ARID1A: variants seen among roughly 807,000 people sequenced by gnomAD.
ARID1A encodes AT-rich interactive domain-containing protein 1A.
Under a neutral mutation model 212.6 loss-of-function variants are expected in ARID1A, and 20 were observed. The observed-to-expected ratio is 0.09, with a 90% CI of 0.07 to 0.14. The LOEUF is 0.14. ARID1A is among the 10% of genes least tolerant of loss of function. The probability of loss-of-function intolerance (pLI) is 1.00; values close to 1 mark genes in which losing one functional copy is unlikely to be tolerated. For missense variants in ARID1A, 2,587 were observed against 3,059.0 expected (o/e 0.85, Z 3.64); for synonymous variants, 1,376 against 1,222.1 (o/e 1.13, Z -2.63).
chr1:26,710,490 T>TACACACACACACACACACACACACAC (rs1291075615), intron 1 of ARID1A, among the ~76,000 whole-genome samples: 2 of 9,676 alleles, frequency 2.1e-4, no homozygotes, highest in African/African-American at 5.9e-4. Flanking sequence ...AATAAAATAA[T>TACACACACACACACACACACACACAC]ACATACACAC....
In ARID1A at chr1:26,781,590, A is replaced by G. The variant is rs985022973; in HGVS notation, c.*834A>G. 2.1e-5 allele frequency: 5 copies of G among 233,620 alleles called. No homozygotes were observed. The highest frequency in any genetic ancestry group is 4.2e-5 in the Non-Finnish European group (5 of 118,056). 14.5% of individuals were successfully genotyped at this position (233,620 alleles called of 1,614,324 possible). A position where few individuals can be genotyped will look rare whatever the true frequency, so the allele number is the denominator to read the frequency against. On this transcript the variant is annotated 3_prime_UTR_variant, in exon 20 of 20. Transcript: ENST00000324856. ...AGAACTGGTTTTAACCTTTAGCTGC[A>G]GCGGCTACGCTGCCACGTGTGTATA...
chr1:26,771,184 T>C lies in ARID1A; in HGVS notation c.3264T>C (p.Ala1088=), dbSNP rs2124097272. 6.2e-7 allele frequency: 1 copy of C among 1,614,202 alleles called. No individual in the cohort carries two copies. Among genetic ancestry groups the C allele is most frequent in the Non-Finnish European group, 8.5e-7 (1 of 1,180,036 alleles). The part of the protein sequence containing the change: ...TNLNVGTSSS[A]ASSLKKQYIQ... ...TCAATGTGGGCACATCAAGCAGTGC[T>C]GCCAGCTCCTTGAAAAAGCAGTATA... The change falls in exon 12 of 20, where the codon GCT becomes GCC. Residue 1088 remains alanine, a synonymous_variant. Transcript: ENST00000324856. This position sits in a 1 kb window ranked among gnomAD's most constrained non-coding sequence, Gnocchi z 5.4.
At chr1:26,730,717 C>T (rs997356622) in intron 2 of ARID1A, among the ~76,000 whole-genome samples, 2 of 152,066 alleles carry the variant, frequency 1.3e-5, no homozygotes, top group East Asian at 3.8e-4. Flanking sequence ...ACCAAAGTAG[C>T]TTAGTGATTT....
intron 4 of ARID1A, among the ~76,000 whole-genome samples, chr1:26,754,350 C>T (rs903292122): frequency 6.6e-6 from 1 of 152,206 alleles, no homozygotes; most frequent in Non-Finnish European, 1.5e-5. Context: ...CCTTACCACT[C>T]CCTCCCATTT....
chr1:26,704,972 T>G (rs1325381188), intron 1 of ARID1A, among the ~76,000 whole-genome samples: 2 of 152,146 alleles, frequency 1.3e-5, no homozygotes, highest in African/African-American at 4.8e-5. Flanking sequence ...TGATTTTGGT[T>G]TCTTTACCTG....
chr1:26,709,835 CTT>C (rs11303126), intron 1 of ARID1A, among the ~76,000 whole-genome samples: 40 of 138,718 alleles, frequency 2.9e-4, no homozygotes, highest in Admixed American at 2.9e-4. Context: ...AGCTTGCTTA[CTT>C]TTTTTTTTTT....
rs1557608365 is a variant in ARID1A, at chr1:26,761,488, G to C, written c.2251+15G>C. 1 of 1,613,672 alleles carries C rather than the reference G, an allele frequency of 6.2e-7. No homozygotes were observed. The highest frequency in any genetic ancestry group is 8.5e-7 in the Non-Finnish European group (1 of 1,179,562). The stretch of plus-strand genomic sequence containing the variant: ...CCAAGATCGAGGTGAGAGCCTGGGT[G>C]TTGGGGAGGGGCAGGGAGCTAGGGC... On this transcript the variant is annotated intron_variant, in intron 6 of 19. Transcript: ENST00000324856.
rs111321687 is a variant in ARID1A, at chr1:26,747,003, C to T, written c.1921-13853C>T. ...GTTGCAGTAAGCCAAGATCGCGCCA[C>T]TGCACTCCAGCCTGGTGACAGAGTA... On this transcript the variant is annotated intron_variant, in intron 4 of 19. Transcript: ENST00000324856. Among the ~76,000 whole-genome samples, 55 of 152,250 alleles carry T rather than the reference C, an allele frequency of 3.6e-4. 1 individual carries two copies. Among genetic ancestry groups the T allele is most frequent in the African/African-American group, 1.3e-3 (55 of 41,528 alleles).
At position 26,766,602 on chromosome 1, in the gene ARID1A, G is replaced by A. The variant is rs372175005; in HGVS notation, c.2988+36G>A. 1.8e-4 allele frequency: 272 copies of A among 1,552,864 alleles called. 4 individuals are homozygous for A. The highest frequency in any genetic ancestry group is 9.9e-4 in the South Asian group (85 of 85,718). ...TTGTCTTGACTCCTTTCAACTTTGT[G>A]TCCTATCTTTTTCAGTGATAGGAAG... is the stretch of plus-strand genomic sequence containing the variant. On this transcript the variant is annotated intron_variant, in intron 10 of 19. Transcript: ENST00000324856.
At chr1:26,740,761 C>T (rs1407212653) in intron 4 of ARID1A, among the ~76,000 whole-genome samples, 1 of 152,118 alleles carries the variant, frequency 6.6e-6, no homozygotes, top group Admixed American at 6.6e-5. Context: ...TAAGTTAAAC[C>T]GTAGAACTAC....
chr1:26,712,187 T>C (rs1269598053), intron 1 of ARID1A, among the ~76,000 whole-genome samples: 2 of 152,142 alleles, frequency 1.3e-5, no homozygotes, highest in Admixed American at 6.5e-5. Flanking sequence ...TAAAGGTCAG[T>C]GTTGGAGCAC....
rs1298523641 is a variant in ARID1A at position 26,772,903 on chromosome 1, T to C, written c.3631T>C (p.Tyr1211His). 6.2e-7 allele frequency: 1 copy of C among 1,614,122 alleles called. No homozygotes were observed. Reference sequence around the variant, plus strand: ...GAATTCCATGACTCCAAACCCTGGGTATCAGCCCAGTATGAATACCTCTGA... The same window carrying C: ...GAATTCCATGACTCCAAACCCTGGGCATCAGCCCAGTATGAATACCTCTGA... Reference protein sequence around the residue: ...KRNSMTPNPGYQPSMNTSDMM... With the variant: ...KRNSMTPNPGHQPSMNTSDMM... The change falls in exon 14 of 20, where the codon TAT becomes CAT. Residue 1211 changes from tyrosine to histidine, a missense_variant. Physicochemically the swap from Tyr to His is moderately conservative, Grantham distance 83 (BLOSUM62 2). Transcript: ENST00000324856.
Position 26,777,565 on chromosome 1 carries a change from G to T in ARID1A, c.5125-1458G>T, listed in dbSNP as rs547718534. ...CTTCTTTATTTTTTTATAGAGGCAGGGTCTCACTGTGTTGCCCAGGCTGGT... is the reference window on the plus strand; with the variant it reads ...CTTCTTTATTTTTTTATAGAGGCAGTGTCTCACTGTGTTGCCCAGGCTGGT... On this transcript the variant is annotated intron_variant, in intron 19 of 19. Coordinates refer to ENST00000324856, the MANE Select transcript of ARID1A (RefSeq NM_006015.6). Among the ~76,000 whole-genome samples, 320 of 151,988 alleles carry T rather than the reference G, an allele frequency of 2.1e-3. 1 individual carries two copies. Among genetic ancestry groups the T allele is most frequent in the African/African-American group, 7.2e-3 (297 of 41,464 alleles).
intron 1 of ARID1A, among the ~76,000 whole-genome samples, chr1:26,723,422 T>C (rs1028145919): frequency 3.3e-5 from 5 of 152,160 alleles, no homozygotes; most frequent in Non-Finnish European, 4.4e-5. Flanking sequence ...TGCCTTTGTA[T>C]AGGGAGCTCT....
At position 26,762,207 on chromosome 1, in the gene ARID1A, A is replaced by G. The variant is rs1370102267; in HGVS notation, c.2307A>G (p.Ser769=). 6.2e-7 allele frequency: 1 copy of G among 1,614,046 alleles called. No individual in the cohort carries two copies. The highest frequency in any genetic ancestry group is 8.5e-7 in the Non-Finnish European group (1 of 1,180,034). ...AGTACAGTTCCCCCCAGCCCGGCTC[A>G]GCCTTATCTCCGCGTCAGCCTTCCG... is the stretch of plus-strand genomic sequence containing the variant. ...MPQYSSPQPG[S]ALSPRQPSGG... The change falls in exon 7 of 20, where the codon TCA becomes TCG. Residue 769 remains serine (S), a synonymous_variant. Coordinates refer to ENST00000324856, the MANE Select transcript of ARID1A (RefSeq NM_006015.6).
intron 1 of ARID1A, among the ~76,000 whole-genome samples, chr1:26,726,017 G>A (rs572363441): frequency 9.9e-5 from 15 of 151,480 alleles, no homozygotes; most frequent in African/African-American, 2.4e-4. Flanking sequence ...CACCACGTCC[G>A]GCTAATTTTT....
At chr1:26,778,370 C>G (rs1458459688) in intron 19 of ARID1A, 1 of 152,042 alleles carries the variant, frequency 6.6e-6, no homozygotes, top group Non-Finnish European at 1.5e-5. Flanking sequence ...ACTGTTCAGC[C>G]AAAGATTGTG....
intron 1 of ARID1A, among the ~76,000 whole-genome samples, chr1:26,723,099 T>TA (rs2080581055): frequency 1.3e-5 from 2 of 152,100 alleles, no homozygotes; most frequent in South Asian, 4.1e-4. Context: ...AAAGACAGGA[T>TA]AAGGGGCGTT....
intron 4 of ARID1A, among the ~76,000 whole-genome samples, chr1:26,740,537 G>C (rs1302930335): frequency 6.6e-6 from 1 of 152,178 alleles, no homozygotes. Flanking sequence ...GTGCAGTATA[G>C]ATACTTGGGG....
Sources: gnomAD v4.1 joint callset for allele counts (sites outside exome capture counted in the v4.1 genomes callset) on GRCh38, gnomAD v4.1.1 for gene constraint, Gnocchi (gnomAD v3.1) non-coding constraint, MANE v1.5 for transcripts, NCBI Gene and HGNC (gene_info 2026-07-23, HGNC 2026-07-21) for gene names.